The following ANKRD11 variants were observed in gnomAD, a reference collection of about 807,000 sequenced individuals.
ANKRD11 encodes ankyrin repeat domain-containing protein 11.
In ANKRD11, 17 loss-of-function variants were observed where a neutral mutation model predicts 195.7. The ratio of observed to expected loss-of-function variants is 0.09; its 90% CI spans 0.06 to 0.13. The LOEUF is 0.13. ANKRD11 is among the 10% of genes least tolerant of loss of function. The pLI is 1.00. For missense variants in ANKRD11, 3,735 were observed against 3,566.1 expected (o/e 1.05, Z -1.21); for synonymous variants, 1,953 against 1,528.1 (o/e 1.28, Z -6.49).
chr16:89,438,007 G>A (rs2043286793), intron 1 of ANKRD11, among the ~76,000 whole-genome samples: 2 of 152,180 alleles, frequency 1.3e-5, no homozygotes, highest in Admixed American at 1.3e-4. Flanking sequence ...CAAGTCCATT[G>A]TATTTCTAGA....
Position 89,280,278 on chromosome 16 carries a change from A to T in ANKRD11, c.6264T>A (p.Ala2088=), listed in dbSNP as rs1475519966. Residue 2088 remains alanine, a synonymous_variant, in exon 9 of 13, where the codon GCT becomes GCA. Transcript: ENST00000301030. ...DVAPEPACVA[A]VAQVEALGPL... is the part of the protein sequence containing the mutation. ...GCCCCAGAGCCTCCACCTGAGCCAC[A>T]GCGGCTACACAGGCGGGCTCGGGGG... 2 of 1,608,288 alleles carry T rather than the reference A, an allele frequency of 1.2e-6. No individual in the cohort carries two copies. Among genetic ancestry groups the T allele is most frequent in the Non-Finnish European group, 1.7e-6 (2 of 1,178,698 alleles).
At chr16:89,327,030 A>G (rs1220319929) in intron 2 of ANKRD11, among the ~76,000 whole-genome samples, 4 of 151,894 alleles carry the variant, frequency 2.6e-5, no homozygotes, top group Non-Finnish European at 4.4e-5. Flanking sequence ...TGGGGAATGC[A>G]GAGGTGGGGA....
intron 2 of ANKRD11, among the ~76,000 whole-genome samples, chr16:89,409,984 C>A (rs1281141362): frequency 1.3e-5 from 2 of 152,176 alleles, no homozygotes; most frequent in East Asian, 3.9e-4. Context: ...GGACTACAGG[C>A]GCCCGCCACC....
chr16:89,313,952 A>G (rs1396601498), intron 3 of ANKRD11, among the ~76,000 whole-genome samples: 1 of 152,228 alleles, frequency 6.6e-6, no homozygotes, highest in Non-Finnish European at 1.5e-5. Flanking sequence ...CAAACAAAAC[A>G]GGACAGGCTG....
intron 1 of ANKRD11, among the ~76,000 whole-genome samples, chr16:89,462,387 C>T (rs1230420892): frequency 3.3e-5 from 5 of 152,232 alleles, no homozygotes; most frequent in African/African-American, 1.2e-4. Flanking sequence ...GGTGCCCAGG[C>T]TGGAGTGCAG....
At chr16:89,434,680 G>T (rs775127140) in intron 1 of ANKRD11, among the ~76,000 whole-genome samples, 47 of 152,320 alleles carry the variant, frequency 3.1e-4, no homozygotes, top group Middle Eastern at 3.4e-3. Flanking sequence ...GTGGCGTGTG[G>T]GATGGGCAGA....
chr16:89,324,975 G>A lies in ANKRD11; in HGVS notation c.-59-7897C>T, dbSNP rs547244733. 5 of 164,934 alleles carry A rather than the reference G, an allele frequency of 3.0e-5. No homozygotes were observed. The South Asian group carries it at 7.9e-4, about 26-fold the overall frequency. The allele number at this position is 164,934 out of a possible 1,614,324, so 10.2% of individuals were successfully genotyped here. The stretch of plus-strand genomic sequence containing the variant: ...ACCCTGACTCGTACACACAAGTACT[G>A]GTGAAGGGGTGGAGCAAAGGAAACT... On this transcript the variant is annotated intron_variant, in intron 2 of 12. Transcript: ENST00000301030.
intron 1 of ANKRD11, among the ~76,000 whole-genome samples, chr16:89,466,135 G>A (rs2056874954): frequency 6.6e-6 from 1 of 152,140 alleles, no homozygotes; most frequent in South Asian, 2.1e-4. Context: ...CTGGCCGTGG[G>A]CTCAGGCACA....
intron 4 of ANKRD11, among the ~76,000 whole-genome samples, chr16:89,303,315 C>A (rs1394335398): frequency 6.6e-6 from 1 of 152,194 alleles, no homozygotes; most frequent in Admixed American, 6.5e-5. Context: ...GCATGGGGAC[C>A]AAAGACGGCA....
At chr16:89,347,282 C>A (rs960886473) in intron 2 of ANKRD11, among the ~76,000 whole-genome samples, 1 of 152,130 alleles carries the variant, frequency 6.6e-6, no homozygotes, top group Non-Finnish European at 1.5e-5. Flanking sequence ...ATGTGTGTAC[C>A]TGTATGTGTG....
intron 11 of ANKRD11, chr16:89,272,357 T>C (rs1213831664): frequency 6.6e-6 from 1 of 152,302 alleles, no homozygotes; most frequent in Non-Finnish European, 1.5e-5. Context: ...AAACTAAAAA[T>C]TGAGCTACCA....
intron 1 of ANKRD11, among the ~76,000 whole-genome samples, chr16:89,468,335 A>C (rs1461393885): frequency 6.6e-6 from 1 of 152,138 alleles, no homozygotes; most frequent in African/African-American, 2.4e-5. Flanking sequence ...TCCTCCAATC[A>C]TGAGGTCGGG....
intron 2 of ANKRD11, among the ~76,000 whole-genome samples, chr16:89,345,383 G>C (rs561463724): frequency 4.5e-4 from 69 of 151,970 alleles, no homozygotes; most frequent in Non-Finnish European, 7.6e-4. Context: ...CTCTGCCCTC[G>C]TGGGTGGACG....
chr16:89,421,089 G>A (rs1166040901), intron 1 of ANKRD11, among the ~76,000 whole-genome samples: 1 of 151,938 alleles, frequency 6.6e-6, no homozygotes, highest in Non-Finnish European at 1.5e-5. Flanking sequence ...TCAGGGATGG[G>A]ACCATCACCC....
Position 89,461,209 on chromosome 16 carries a change from C to A in ANKRD11, c.-145+29036G>T, listed in dbSNP as rs374637940. Among the ~76,000 whole-genome samples the A allele has an allele frequency of 2.6e-4, 33 of 128,638 alleles. No individual in the cohort carries two copies. The East Asian group carries it at 4.2e-3, about 16-fold the overall frequency. The allele number at this position is 128,638 out of a possible 152,430, so 84.4% of individuals were successfully genotyped here. A position where few individuals can be genotyped will look rare whatever the true frequency, so the allele number is the denominator to read the frequency against. ...CCCCCCCCCCCTTATAGGAGAGGTGCCTTGAGTGGTGACATTCATAAGAGA... is the reference window on the plus strand; with the variant it reads ...CCCCCCCCCCCTTATAGGAGAGGTGACTTGAGTGGTGACATTCATAAGAGA... On this transcript the variant is annotated intron_variant, in intron 1 of 12. Transcript: ENST00000301030.
At chr16:89,312,283 G>T (rs1464312341) in intron 3 of ANKRD11, among the ~76,000 whole-genome samples, 1 of 152,248 alleles carries the variant, frequency 6.6e-6, no homozygotes, top group Non-Finnish European at 1.5e-5. Context: ...CAGACGGCAT[G>T]TGGCAGAGCT....
Position 89,470,539 on chromosome 16 carries a change from A to G in ANKRD11, c.-145+19706T>C, listed in dbSNP as rs140691073. On this transcript the variant is annotated intron_variant, in intron 1 of 12. Transcript: ENST00000301030. ...AAAGGAGGGTAAATACTAAAGTATT[A>G]GTCTCTAAGAAATCTCATGAAAGCA... 1.4e-4 allele frequency among the ~76,000 whole-genome samples: 22 copies of G among 152,238 alleles called. No homozygotes were observed. The East Asian group carries it at 4.2e-3, about 29-fold the overall frequency.
At position 89,270,925 on chromosome 16, in the gene ANKRD11, A is replaced by G; in HGVS notation, c.7714-16T>C. The G allele has an allele frequency of 6.2e-7, 1 of 1,613,428 alleles. No individual in the cohort carries two copies. The highest frequency in any genetic ancestry group is 8.5e-7 in the Non-Finnish European group (1 of 1,179,626). On this transcript the variant is annotated splice_polypyrimidine_tract_variant and intron_variant, in intron 11 of 12. Coordinates refer to ENST00000301030, the MANE Select transcript of ANKRD11 (RefSeq NM_013275.6). ...TCTCGTCACCCTGTGGAAACCAAAC[A>G]CGGGAGTTTCATCAGGAGCCCCAGA...
chr16:89,292,538 T>C (rs1186700187), intron 4 of ANKRD11, among the ~76,000 whole-genome samples: 1 of 152,168 alleles, frequency 6.6e-6, no homozygotes, highest in African/African-American at 2.4e-5. Flanking sequence ...ATGCTGAGAA[T>C]GTGGATTCGT....
Sources: gnomAD v4.1 joint callset for allele counts (sites outside exome capture counted in the v4.1 genomes callset) on GRCh38, gnomAD v4.1.1 for gene constraint, MANE v1.5 for transcripts, NCBI Gene and HGNC (gene_info 2026-07-23, HGNC 2026-07-21) for gene names.